CDH10: variants seen among roughly 807,000 people sequenced by gnomAD.
The protein encoded by CDH10 is cadherin 10, also known as cadherin-10.
CDH10 carries 30 observed loss-of-function variants against 73.1 expected under a neutral mutation model. The observed-to-expected ratio is 0.41, with a 90% confidence interval of 0.31 to 0.56. CDH10 has a LOEUF of 0.56. Ranked by LOEUF, CDH10 falls within the 20% of genes least tolerant of loss-of-function variation. The probability of loss-of-function intolerance (pLI) is 0.27; values close to 1 mark genes in which losing one functional copy is unlikely to be tolerated. For missense variants in CDH10, 815 were observed against 973.7 expected, an observed-to-expected ratio of 0.84 and a Z score of 2.17; for synonymous variants, 345 against 348.2, an observed-to-expected ratio of 0.99 and a Z score of 0.10.
rs146999546 is a variant in CDH10 at position 24,599,620 on chromosome 5, T to A, written c.-123-6007A>T. Among the ~76,000 whole-genome samples the A allele has an allele frequency of 4.6e-3, 693 of 152,254 alleles. 3 individuals are homozygous for A. The highest frequency in any genetic ancestry group is 8.2e-3 in the Non-Finnish European group (558 of 68,004). ...TCTGCAAAATATGTTTCTGCTGTTA[T>A]ACCTGAAGGTGCAAAAACATACATG... On this transcript the variant is annotated intron_variant, in intron 1 of 11. Coordinates refer to ENST00000264463, the MANE Select transcript of CDH10 (RefSeq NM_006727.5).
Position 24,604,798 on chromosome 5 carries a change from G to A in CDH10, c.-123-11185C>T, listed in dbSNP as rs184352559. Among the ~76,000 whole-genome samples, 324 of 151,324 alleles carry A rather than the reference G, an allele frequency of 2.1e-3. 1 individual carries two copies. Among genetic ancestry groups the A allele is most frequent in the African/African-American group, 7.0e-3 (285 of 40,964 alleles). On this transcript the variant is annotated intron_variant, in intron 1 of 11. Transcript: ENST00000264463. ...AGGGGCAGAAGAATCGTTTGAAGCC[G>A]GGAGGCGGAGGTTGCAGTGAGCCGA...
At chr5:24,607,383 T>C (rs1467210691) in intron 1 of CDH10, among the ~76,000 whole-genome samples, 1 of 152,094 alleles carries the variant, frequency 6.6e-6, no homozygotes, top group Non-Finnish European at 1.5e-5. Context: ...AAAGGCACAC[T>C]TTAGGGAAAC....
At chr5:24,548,246 G>A (rs557661523) in intron 2 of CDH10, among the ~76,000 whole-genome samples, 2 of 151,998 alleles carry the variant, frequency 1.3e-5, no homozygotes, top group Admixed American at 6.6e-5. Flanking sequence ...TCCTGCTTCA[G>A]CCTCCTGAGT....
rs1742660546 is a variant in CDH10, at chr5:24,505,206, G to A, written c.1299C>T (p.Asn433=). The change falls in exon 8 of 12, where the codon AAC becomes AAT. Residue 433 remains asparagine, a synonymous_variant. Coordinates refer to ENST00000264463, the MANE Select transcript of CDH10 (RefSeq NM_006727.5). The part of the protein sequence containing the change: ...DRHTDLDRIF[N]IHSGNGSLYT... ...AAAGAGATCCATTTCCTGAATGAAT[G>A]TTAAAGATTCTGTCAAGGTCAGTAT... 1.2e-6 allele frequency: 2 copies of A among 1,612,250 alleles called. No individual in the cohort carries two copies. The highest frequency in any genetic ancestry group is 3.3e-5 in the Admixed American group (2 of 59,990).
chr5:24,543,066 G>A (rs1744217703), intron 2 of CDH10, among the ~76,000 whole-genome samples: 1 of 151,880 alleles, frequency 6.6e-6, no homozygotes, highest in African/African-American at 2.4e-5. Flanking sequence ...CAAAGTACAG[G>A]AAATTTAAGT....
intron 5 of CDH10, among the ~76,000 whole-genome samples, chr5:24,512,145 A>C (rs1291387862): frequency 6.6e-6 from 1 of 152,148 alleles, no homozygotes; most frequent in Non-Finnish European, 1.5e-5. Context: ...CTAAAATAAA[A>C]GTTAAAAAAT....
intron 8 of CDH10, 26 bp downstream of exon 8, chr5:24,505,086 T>C (rs765803427): frequency 2.7e-6 from 4 of 1,488,918 alleles, no homozygotes; most frequent in Non-Finnish European, 1.9e-6. Flanking sequence ...TCTAGATATA[T>C]GTTAGATACA....
intron 1 of CDH10, among the ~76,000 whole-genome samples, chr5:24,624,192 G>A (rs1747413480): frequency 6.6e-6 from 1 of 152,014 alleles, no homozygotes; most frequent in African/African-American, 2.4e-5. Context: ...TCTCTGCACT[G>A]TTTCCTCCAT....
chr5:24,502,594 C>T (rs970729153), intron 8 of CDH10, among the ~76,000 whole-genome samples: 5 of 151,960 alleles, frequency 3.3e-5, no homozygotes, highest in Admixed American at 3.3e-4. Context: ...AGTTGTTCTA[C>T]AGATTGATTT....
chr5:24,491,616 C>T lies in CDH10; in HGVS notation c.1836G>A (p.Gly612=), dbSNP rs768882457. 6.2e-7 allele frequency: 1 copy of T among 1,613,712 alleles called. No homozygotes were observed. Among genetic ancestry groups the T allele is most frequent in the South Asian group, 1.1e-5 (1 of 91,030 alleles). Reference sequence around the variant, plus strand: ...TGCAGAGGAGGATGGCGATCAAGGCCCCAGTGCTGAGGCCGGCAGGGAGGA... The same window carrying T: ...TGCAGAGGAGGATGGCGATCAAGGCTCCAGTGCTGAGGCCGGCAGGGAGGA... ...ALLLPAGLST[G]ALIAILLCII... The change falls in exon 11 of 12, where the codon GGG becomes GGA. Residue 612 remains glycine (G), a synonymous_variant. Coordinates refer to ENST00000264463, the MANE Select transcript of CDH10 (RefSeq NM_006727.5).
intron 1 of CDH10, among the ~76,000 whole-genome samples, chr5:24,636,252 A>G (rs998891850): frequency 6.6e-6 from 1 of 151,994 alleles, no homozygotes; most frequent in African/African-American, 2.4e-5. Flanking sequence ...AAAAACTACC[A>G]GTGACATTAA....
chr5:24,557,564 T>A (rs1579805099), intron 2 of CDH10, among the ~76,000 whole-genome samples: 1 of 151,790 alleles, frequency 6.6e-6, no homozygotes, highest in South Asian at 2.1e-4. Flanking sequence ...TTAATCTCAT[T>A]TTTTAGCTAA....
intron 1 of CDH10, among the ~76,000 whole-genome samples, chr5:24,628,797 T>C (rs564332744): frequency 2.6e-5 from 4 of 151,322 alleles, no homozygotes; most frequent in African/African-American, 9.7e-5. Flanking sequence ...CTCACAGAAA[T>C]ACAAATTCTA....
intron 2 of CDH10, among the ~76,000 whole-genome samples, chr5:24,585,914 A>C (rs1745977603): frequency 6.6e-6 from 1 of 152,194 alleles, no homozygotes; most frequent in Non-Finnish European, 1.5e-5. Context: ...AAATCAAACA[A>C]ACTAGATTTG....
At chr5:24,550,710 T>C (rs1744512904) in intron 2 of CDH10, among the ~76,000 whole-genome samples, 1 of 152,144 alleles carries the variant, frequency 6.6e-6, no homozygotes, top group African/African-American at 2.4e-5. Context: ...TCCCCACAAA[T>C]CAGTCCTTCT....
At chr5:24,562,610 A>T (rs956840812) in intron 2 of CDH10, among the ~76,000 whole-genome samples, 7 of 152,032 alleles carry the variant, frequency 4.6e-5, no homozygotes, top group African/African-American at 1.7e-4. Context: ...GTAAAACTTG[A>T]TTGTCTATTT....
intron 1 of CDH10, among the ~76,000 whole-genome samples, chr5:24,596,449 G>A (rs894547399): frequency 2.0e-5 from 3 of 151,238 alleles, no homozygotes; most frequent in Admixed American, 6.6e-5. Flanking sequence ...AACTACTAAC[G>A]GCCGTTTTCC....
intron 1 of CDH10, chr5:24,613,102 T>C (rs986880032): frequency 2.0e-5 from 3 of 151,994 alleles, no homozygotes; most frequent in Admixed American, 6.6e-5. Context: ...TAATGCAATA[T>C]AGTGATTTTC....
chr5:24,545,082 T>C (rs149322988), intron 2 of CDH10, among the ~76,000 whole-genome samples: 4 of 152,326 alleles, frequency 2.6e-5, no homozygotes, highest in Admixed American at 2.0e-4. Flanking sequence ...TTCTCATGTA[T>C]TAGCTTATCA....
Sources: allele counts gnomAD v4.1 joint callset (sites outside exome capture counted in the v4.1 genomes callset), GRCh38; gene constraint gnomAD v4.1.1; transcripts MANE v1.5; gene names NCBI Gene and HGNC (gene_info 2026-07-23, HGNC 2026-07-21).